Variants in TMEM50A observed in about 807,000 individuals in gnomAD.
TMEM50A encodes transmembrane protein 50A, also known as cervical cancer oncogene 9.
Under a neutral mutation model 23.9 loss-of-function variants are expected in TMEM50A, and 8 were observed. The observed-to-expected ratio is 0.33, with a 90% CI of 0.20 to 0.60. The LOEUF is 0.60. Among genes scored for constraint, TMEM50A ranks in the 20% least tolerant of loss-of-function variants. The probability of loss-of-function intolerance (pLI) is 0.81; values close to 1 mark genes in which losing one functional copy is unlikely to be tolerated. For synonymous variants in TMEM50A, 55 were observed against 60.4 expected (o/e 0.91, Z 0.41); for missense variants, 178 against 192.7 (o/e 0.92, Z 0.45).
chr1:25,341,879 G>A (rs1187283432), intron 2 of TMEM50A, among the ~76,000 whole-genome samples: 1 of 148,742 alleles, frequency 6.7e-6, no homozygotes, highest in Non-Finnish European at 1.5e-5. Context: ...TTTTTTTTTT[G>A]TTTGTTTTTT....
In TMEM50A at chr1:25,360,667, G is replaced by T. The variant is rs1457413596; in HGVS notation, c.436G>T (p.Val146Phe). ...TTCTTGTTTTATTCACAGAGGGCTG[G>T]TTTTTAAGTTTGGCCGCACTGAAGA... Reference protein sequence around the residue: ...QNAFIFFGGLVFKFGRTEDLW... With the variant: ...QNAFIFFGGLFFKFGRTEDLW... Residue 146 changes from valine (V) to phenylalanine (F), a missense_variant, in exon 7 of 7, where the codon GTT becomes TTT. Transcript: ENST00000374358. 1.9e-6 allele frequency: 3 copies of T among 1,613,944 alleles called. No individual in the cohort carries two copies. The highest frequency in any genetic ancestry group is 1.7e-6 in the Non-Finnish European group (2 of 1,180,000).
In TMEM50A at chr1:25,361,800, TG is replaced by T. The variant is rs1645408972; in HGVS notation, c.*1097del. On this transcript the variant is annotated 3_prime_UTR_variant, in exon 7 of 7. Coordinates refer to ENST00000374358, the MANE Select transcript of TMEM50A (RefSeq NM_014313.4). ...CAGTCTCTACACTGTGAATATTGCC[TG>T]GTGATCAAGACTCTCCTCAAAGAAA... The T allele has an allele frequency of 6.5e-6, 1 of 154,342 alleles. No homozygotes were observed. Among genetic ancestry groups the T allele is most frequent in the Non-Finnish European group, 1.4e-5 (1 of 69,458 alleles). 9.6% of individuals were successfully genotyped at this position (154,342 alleles called of 1,614,324 possible).
rs1645337289 is a variant in TMEM50A at position 25,356,790 on chromosome 1, C to T, written c.368-3C>T. On this transcript the variant is annotated splice_polypyrimidine_tract_variant and splice_region_variant and intron_variant, in intron 5 of 6. Transcript: ENST00000374358. ...CCTCTAAACACTGCAATTATTTTTA[C>T]AGAAAAAGACATAGTATACCCTGGA... 3 of 1,574,894 alleles carry T rather than the reference C, an allele frequency of 1.9e-6. No homozygotes were observed. The highest frequency in any genetic ancestry group is 2.3e-5 in the East Asian group (1 of 43,766).
At chr1:25,360,099 C>T (rs1372388026) in intron 6 of TMEM50A, among the ~76,000 whole-genome samples, 1 of 152,160 alleles carries the variant, frequency 6.6e-6, no homozygotes, top group African/African-American at 2.4e-5. Flanking sequence ...CCTGTAATCC[C>T]AGCACTTTGG....
chr1:25,343,244 T>TA (rs1457151833), intron 3 of TMEM50A, among the ~76,000 whole-genome samples, 171 bp downstream of exon 3: 1 of 152,194 alleles, frequency 6.6e-6, no homozygotes, highest in Non-Finnish European at 1.5e-5. Flanking sequence ...CAGTCCTCTT[T>TA]ATTCTTTTTG....
intron 5 of TMEM50A, among the ~76,000 whole-genome samples, chr1:25,354,469 G>A (rs1431321308): frequency 6.6e-6 from 1 of 151,948 alleles, no homozygotes; most frequent in African/African-American, 2.4e-5. Flanking sequence ...ATATTTAGCC[G>A]ACTATGGTGA....
chr1:25,355,827 G>A (rs1033994933), intron 5 of TMEM50A, among the ~76,000 whole-genome samples: 2 of 152,184 alleles, frequency 1.3e-5, no homozygotes, highest in African/African-American at 4.8e-5. Context: ...TGTTGCTCCA[G>A]CAGTCCTTCC....
Position 25,356,845 on chromosome 1 carries a change from C to CT in TMEM50A, c.426dup (p.Gly143TrpfsTer6). 6.3e-7 allele frequency: 1 copy of CT among 1,584,938 alleles called. No individual in the cohort carries two copies. Among genetic ancestry groups the CT allele is most frequent in the Non-Finnish European group, 8.5e-7 (1 of 1,169,646 alleles). Reference sequence around the variant, plus strand: ...CTGTATTTTTCCAGAATGCCTTCATCTTTTTTGGGTAAGTTTGTTTTGCAT... The same window carrying CT: ...CTGTATTTTTCCAGAATGCCTTCATCTTTTTTTGGGTAAGTTTGTTTTGCAT... On this transcript the variant is annotated frameshift_variant, in exon 6 of 7. Transcript: ENST00000374358. LOFTEE classifies it high-confidence loss of function.
chr1:25,351,557 C>T, intron 3 of TMEM50A, 69 bp from the exon 4 acceptor site: 1 of 1,312,170 alleles, frequency 7.6e-7, no homozygotes, highest in Non-Finnish European at 1.1e-6. Flanking sequence ...ATTTGAGAAA[C>T]TGTAGATTAT....
intron 3 of TMEM50A, among the ~76,000 whole-genome samples, chr1:25,344,956 A>G (rs866690996): frequency 3.3e-5 from 5 of 151,836 alleles, no homozygotes; most frequent in Admixed American, 6.6e-5. Context: ...TCTTTAATGT[A>G]TTATAACTTC....
intron 3 of TMEM50A, among the ~76,000 whole-genome samples, chr1:25,351,072 G>A (rs1645270496): frequency 6.6e-6 from 1 of 151,676 alleles, no homozygotes; most frequent in African/African-American, 2.4e-5. Context: ...GCTGAGGCAG[G>A]AGAATGGCGT....
chr1:25,344,477 A>T (rs577724796), intron 3 of TMEM50A, among the ~76,000 whole-genome samples: 3 of 152,280 alleles, frequency 2.0e-5, no homozygotes, highest in South Asian at 2.1e-4. Context: ...TCAAATTCAT[A>T]AAATCGTTTA....
At chr1:25,353,067 G>A (rs530289449) in intron 5 of TMEM50A, 93 bp downstream of exon 5, 391 of 1,158,296 alleles carry the variant, frequency 3.4e-4, no homozygotes, top group Middle Eastern at 2.0e-3. Flanking sequence ...TTTTCCTATA[G>A]TTGGGCCAAC....
intron 1 of TMEM50A, among the ~76,000 whole-genome samples, chr1:25,339,266 C>T (rs1247600007): frequency 6.6e-6 from 1 of 152,140 alleles, no homozygotes; most frequent in Non-Finnish European, 1.5e-5. Context: ...ATGGCTGTAT[C>T]TCAGGTCTCT....
chr1:25,359,452 T>A (rs930832187), intron 6 of TMEM50A, among the ~76,000 whole-genome samples: 2 of 151,614 alleles, frequency 1.3e-5, no homozygotes, highest in Non-Finnish European at 2.9e-5. Flanking sequence ...TGGGCCATAT[T>A]GGAAGAATTG....
At chr1:25,343,474 A>G (rs1034601353) in intron 3 of TMEM50A, among the ~76,000 whole-genome samples, 2 of 152,238 alleles carry the variant, frequency 1.3e-5, no homozygotes, top group Non-Finnish European at 2.9e-5. Context: ...GTCATTTAAA[A>G]TAAGTGCAAA....
intron 6 of TMEM50A, among the ~76,000 whole-genome samples, chr1:25,357,551 G>GTGT (rs1361845595): frequency 2.7e-5 from 4 of 148,086 alleles, no homozygotes; most frequent in Admixed American, 2.7e-4. Context: ...GTGTGTGTGT[G>GTGT]TGTGTGTGTG....
chr1:25,339,055 A>T (rs1645137136), intron 1 of TMEM50A, among the ~76,000 whole-genome samples: 1 of 152,230 alleles, frequency 6.6e-6, no homozygotes, highest in South Asian at 2.1e-4. Flanking sequence ...GGCTGTAATC[A>T]TATATTTTAA....
chr1:25,351,786 A>G, intron 4 of TMEM50A, 93 bp downstream of exon 4: 1 of 1,118,124 alleles, frequency 8.9e-7, no homozygotes, highest in Non-Finnish European at 1.3e-6. Flanking sequence ...TTGTTTTAAT[A>G]TATCTGTGAG....
Sources: allele counts gnomAD v4.1 joint callset (sites outside exome capture counted in the v4.1 genomes callset), GRCh38; gene constraint gnomAD v4.1.1; transcripts MANE v1.5; gene names NCBI Gene and HGNC (gene_info 2026-07-23, HGNC 2026-07-21).